Variants in CA13 observed in about 807,000 individuals in gnomAD.
The protein encoded by CA13 is CA-XIII.
CA13 carries 21 observed loss-of-function variants against 31.5 expected under a neutral mutation model. That is an observed-to-expected ratio of 0.67 (90% confidence interval 0.47 to 0.96). The LOEUF (loss-of-function observed/expected upper bound fraction) is 0.96, where lower values mean the gene tolerates loss of function less well. CA13 is among the 40% of genes least tolerant of loss of function. The probability of loss-of-function intolerance (pLI) is 0.00; values close to 1 mark genes in which losing one functional copy is unlikely to be tolerated. For missense variants in CA13, 315 were observed against 318.9 expected (o/e 0.99, Z 0.09); for synonymous variants, 117 against 111.4 (o/e 1.05, Z -0.32).
At chr8:85,246,056 T>C (rs1813723478) in intron 1 of CA13, among the ~76,000 whole-genome samples, 191 bp downstream of exon 1, 1 of 151,992 alleles carries the variant, frequency 6.6e-6, no homozygotes, top group Non-Finnish European at 1.5e-5. Flanking sequence ...GGTAGACGGG[T>C]TGTTGGTGGT....
intron 1 of CA13, 66 bp from the exon 2 acceptor site, chr8:85,250,674 C>A (rs1442549975): frequency 2.0e-6 from 2 of 1,012,050 alleles, no homozygotes; most frequent in Non-Finnish European, 3.0e-6. Context: ...GTGTGTTATA[C>A]TCAATGTATG....
chr8:85,274,706 T>C (rs904494021), intron 6 of CA13, among the ~76,000 whole-genome samples: 1 of 152,164 alleles, frequency 6.6e-6, no homozygotes, highest in African/African-American at 2.4e-5. Context: ...GGTTAGTGAT[T>C]ATCTTTAGAA....
At position 85,251,065 on chromosome 8, in the gene CA13, G is replaced by A. The variant is rs571228084; in HGVS notation, c.235+128G>A. On this transcript the variant is annotated intron_variant, in intron 2 of 6. Coordinates refer to ENST00000321764, the MANE Select transcript of CA13 (RefSeq NM_198584.3). ...TCGCCAGGCTGAAGTGTAGTGGCGC[G>A]ATCTTGGCTTATTGCAACCTCCGCC... 4.8e-5 allele frequency: 38 copies of A among 785,858 alleles called. No homozygotes were observed. In the Middle Eastern group the frequency reaches 8.3e-4, roughly 17 times the overall value. 48.7% of individuals were successfully genotyped at this position (785,858 alleles called of 1,614,324 possible). A position where few individuals can be genotyped will look rare whatever the true frequency, so the allele number is the denominator to read the frequency against.
chr8:85,251,808 C>T (rs145298636), intron 2 of CA13, among the ~76,000 whole-genome samples: 92 of 152,202 alleles, frequency 6.0e-4, no homozygotes, highest in African/African-American at 1.8e-3. Flanking sequence ...CATAATATTT[C>T]GGTGCTTAGT....
Position 85,267,938 on chromosome 8 carries a change from G to C in CA13, c.487G>C (p.Asp163His). ...TAATTCCCAACTGCAAAAGATTACT[G>C]ACACTTTGGATTCCATTAAAGAAAA... ...EPNSQLQKIT[D>H]TLDSIKEKGK... The change falls in exon 5 of 7, where the codon GAC becomes CAC. Residue 163 changes from aspartate (D) to histidine (H), a missense_variant. Asp to His is a moderately conservative substitution (Grantham distance 81). Transcript: ENST00000321764. 1.3e-6 allele frequency: 2 copies of C among 1,595,192 alleles called. No homozygotes were observed. The highest frequency in any genetic ancestry group is 1.7e-6 in the Non-Finnish European group (2 of 1,166,900).
chr8:85,283,304 G>A lies in CA13; in HGVS notation c.*1955G>A, dbSNP rs895372707. On this transcript the variant is annotated 3_prime_UTR_variant, in exon 7 of 7. Coordinates refer to ENST00000321764, the MANE Select transcript of CA13 (RefSeq NM_198584.3). ...TATCAGTAAATTGTGTAACAGTGGT[G>A]GATACTGTTGCATAAGATGAGCTCC... 2.0e-5 allele frequency: 3 copies of A among 152,140 alleles called. No individual in the cohort carries two copies. The highest frequency in any genetic ancestry group is 4.4e-5 in the Non-Finnish European group (3 of 68,028). 9.4% of individuals were successfully genotyped at this position (152,140 alleles called of 1,614,324 possible).
At chr8:85,271,089 T>C (rs1807520322) in intron 6 of CA13, among the ~76,000 whole-genome samples, 2 of 152,220 alleles carry the variant, frequency 1.3e-5, no homozygotes, top group South Asian at 4.1e-4. Flanking sequence ...TTCAATTTAT[T>C]AAAATCTGAT....
At chr8:85,259,612 T>C (rs762406972) in intron 3 of CA13, 73 bp downstream of exon 3, 31 of 1,215,380 alleles carry the variant, frequency 2.6e-5, no homozygotes, top group Non-Finnish European at 3.6e-5. Context: ...GAGACAACTT[T>C]ACTGATTCCA....
chr8:85,275,913 G>GT (rs1807595547), intron 6 of CA13, among the ~76,000 whole-genome samples: 1 of 152,258 alleles, frequency 6.6e-6, no homozygotes, highest in African/African-American at 2.4e-5. Flanking sequence ...AGTCCTCGCA[G>GT]CCCTTGCTCG....
intron 6 of CA13, among the ~76,000 whole-genome samples, chr8:85,279,821 A>C (rs79563996): frequency 6.6e-6 from 1 of 152,084 alleles, no homozygotes; most frequent in Non-Finnish European, 1.5e-5. Context: ...TATCTTTCCT[A>C]TGGTCTCAGA....
intron 6 of CA13, among the ~76,000 whole-genome samples, chr8:85,278,555 ATAGGGATGTATTT>A (rs1224768809): frequency 3.9e-5 from 6 of 152,162 alleles, no homozygotes; most frequent in African/African-American, 1.4e-4. Flanking sequence ...GTGATGTATT[ATAGGGATGTATTT>A]GGAAATGTTT....
intron 6 of CA13, among the ~76,000 whole-genome samples, chr8:85,280,417 G>A (rs1807685642): frequency 6.6e-6 from 1 of 152,082 alleles, no homozygotes. Context: ...TCTCTCCTCT[G>A]CCCCCGTCCT....
In CA13 at chr8:85,281,237, A is replaced by T; in HGVS notation, c.677A>T (p.Lys226Ile). ...TCTTTTCTTCTTCTACAGCTGGCCA[A>T]ATTTCGCAGTCTCCTGTGCACAGCG... ...PINISSQQLAKFRSLLCTAEG... is the reference protein window; with the variant it reads ...PINISSQQLAIFRSLLCTAEG... The change falls in exon 7 of 7, where the codon AAA (lysine) becomes ATA (isoleucine). Residue 226 changes from lysine (K) to isoleucine (I), a missense_variant. Lys to Ile is a moderately radical substitution (Grantham distance 102). Coordinates refer to ENST00000321764, the MANE Select transcript of CA13 (RefSeq NM_198584.3). 1 of 1,613,204 alleles carries T rather than the reference A, an allele frequency of 6.2e-7. No individual in the cohort carries two copies. Among genetic ancestry groups the T allele is most frequent in the Non-Finnish European group, 8.5e-7 (1 of 1,179,378 alleles).
At chr8:85,281,046 T>C (rs1449855986) in intron 6 of CA13, among the ~76,000 whole-genome samples, 184 bp from the exon 7 acceptor site, 1 of 152,176 alleles carries the variant, frequency 6.6e-6, no homozygotes, top group Non-Finnish European at 1.5e-5. Context: ...TTGGAACCTG[T>C]AGGTATTTGT....
chr8:85,280,106 C>A (rs1219863187), intron 6 of CA13, among the ~76,000 whole-genome samples: 2 of 152,068 alleles, frequency 1.3e-5, no homozygotes, highest in Non-Finnish European at 1.5e-5. Flanking sequence ...ATGGTGAAAC[C>A]CCATCTCTAC....
At position 85,273,617 on chromosome 8, in the gene CA13, C is replaced by T. The variant is rs556288976; in HGVS notation, c.669+4990C>T. ...CAGGAAGAGAGCTGGCCAGAAGACA[C>T]ATACCCCCTGAAGACCGAGAGGGAG... On this transcript the variant is annotated intron_variant, in intron 6 of 6. Coordinates refer to ENST00000321764, the MANE Select transcript of CA13 (RefSeq NM_198584.3). Among the ~76,000 whole-genome samples the T allele has an allele frequency of 4.6e-5, 7 of 152,074 alleles. No homozygotes were observed. In the East Asian group the frequency reaches 1.4e-3, roughly 30 times the overall value.
intron 4 of CA13, chr8:85,267,433 A>T (rs1458323015): frequency 5.1e-6 from 2 of 393,014 alleles, no homozygotes; most frequent in Non-Finnish European, 6.9e-6. Context: ...TTTGCTTATG[A>T]TGATATATTC....
At chr8:85,256,679 T>C (rs1424830429) in intron 2 of CA13, among the ~76,000 whole-genome samples, 1 of 152,160 alleles carries the variant, frequency 6.6e-6, no homozygotes, top group Non-Finnish European at 1.5e-5. Flanking sequence ...CCTATGACAA[T>C]GTGACAATTA....
Position 85,246,185 on chromosome 8 carries a change from T to C in CA13, c.37+320T>C. The C allele has an allele frequency of 5.9e-6, 3 of 509,330 alleles. No individual in the cohort carries two copies. The South Asian group carries it at 6.0e-5, about 10-fold the overall frequency. 31.6% of individuals were successfully genotyped at this position (509,330 alleles called of 1,614,324 possible). ...GACTTTGCCTAGTAACAGCCACGTA[T>C]CAATTACAGGCTTGGAGATCAGAAG... On this transcript the variant is annotated intron_variant, in intron 1 of 6. Coordinates refer to ENST00000321764, the MANE Select transcript of CA13 (RefSeq NM_198584.3).
Sources: allele counts gnomAD v4.1 joint callset (sites outside exome capture counted in the v4.1 genomes callset), GRCh38; gene constraint gnomAD v4.1.1; transcripts MANE v1.5; gene names NCBI Gene and HGNC (gene_info 2026-07-23, HGNC 2026-07-21).